The following SPAG9 variants were observed in gnomAD, a reference collection of about 807,000 sequenced individuals.
SPAG9 encodes sperm associated antigen 9, also known as C-Jun-amino-terminal kinase-interacting protein 4.
In SPAG9, 35 loss-of-function variants were observed where a neutral mutation model predicts 166.5. That is an observed-to-expected ratio of 0.21 (90% CI 0.16 to 0.28). The LOEUF is 0.28. Among genes scored for constraint, SPAG9 ranks in the 10% least tolerant of loss-of-function variants. The pLI, the probability that SPAG9 is intolerant of heterozygous loss-of-function variation, is 1.00. For missense variants in SPAG9, 1,235 were observed against 1,603.3 expected, an observed-to-expected ratio of 0.77 and a Z score of 3.92; for synonymous variants, 534 against 565.5, an observed-to-expected ratio of 0.94 and a Z score of 0.79.
rs1399754587 is a variant in SPAG9, at chr17:50,963,510, A to C, written c.*2762T>G. The C allele has an allele frequency of 6.6e-6, 1 of 152,254 alleles. No individual in the cohort carries two copies. Among genetic ancestry groups the C allele is most frequent in the Non-Finnish European group, 1.5e-5 (1 of 68,042 alleles). 9.4% of individuals were successfully genotyped at this position (152,254 alleles called of 1,614,324 possible). On this transcript the variant is annotated 3_prime_UTR_variant, in exon 30 of 30. Transcript: ENST00000262013. ...GTCCTCTCTCTGGTCCCTGCAGTTA[A>C]TTAACAGGGCCACAGATAATCTGAC... is the stretch of plus-strand genomic sequence containing the variant.
chr17:51,033,713 C>T (rs1382066349), intron 5 of SPAG9, among the ~76,000 whole-genome samples: 1 of 152,114 alleles, frequency 6.6e-6, no homozygotes, highest in Non-Finnish European at 1.5e-5. Context: ...AATATTTGGA[C>T]CTCTGAGCAC....
chr17:51,006,966 A>G (rs1400554601), intron 10 of SPAG9, among the ~76,000 whole-genome samples: 1 of 152,208 alleles, frequency 6.6e-6, no homozygotes, highest in Non-Finnish European at 1.5e-5. Context: ...GGGAGCAAAA[A>G]AAGTGTAAAA....
intron 13 of SPAG9, among the ~76,000 whole-genome samples, chr17:51,001,395 A>C (rs1037975669): frequency 2.6e-5 from 4 of 152,232 alleles, no homozygotes; most frequent in Non-Finnish European, 5.9e-5. Context: ...CCTGTGTTGC[A>C]TATGAAATTG....
chr17:51,118,713 T>C (rs946151463), intron 1 of SPAG9, among the ~76,000 whole-genome samples: 3 of 152,204 alleles, frequency 2.0e-5, no homozygotes, highest in African/African-American at 7.2e-5. Context: ...TTTTCATCCC[T>C]TCCTTCCCTA....
intron 5 of SPAG9, among the ~76,000 whole-genome samples, chr17:51,037,718 GTGTA>G (rs200091479): frequency 1.7e-3 from 228 of 130,920 alleles, no homozygotes; most frequent in African/African-American, 5.8e-3. Flanking sequence ...GTGTGTGTGT[GTGTA>G]TAAACATTTT....
chr17:51,011,000 G>A (rs145873155), intron 9 of SPAG9, among the ~76,000 whole-genome samples: 11 of 152,090 alleles, frequency 7.2e-5, no homozygotes, highest in Admixed American at 2.0e-4. Flanking sequence ...CAAAGGAAGC[G>A]GATCCTGTTA....
At chr17:51,041,704 T>G in intron 4 of SPAG9, 53 bp from the exon 5 acceptor site, 4 of 1,555,322 alleles carry the variant, frequency 2.6e-6, no homozygotes, top group Non-Finnish European at 3.5e-6. Context: ...GACTTTTTAT[T>G]TGCCATGACT....
rs2047162475 is a variant in SPAG9 at position 51,050,949 on chromosome 17, G to A, written c.496-3480C>T. Reference sequence around the variant, plus strand: ...ACTGAAGAGAGAGAGAAAAAGAGAGGAAGGAAGAAAGGAAAGAACGAAGGG... The same window carrying A: ...ACTGAAGAGAGAGAGAAAAAGAGAGAAAGGAAGAAAGGAAAGAACGAAGGG... On this transcript the variant is annotated intron_variant, in intron 3 of 29. Coordinates refer to ENST00000262013, the MANE Select transcript of SPAG9 (RefSeq NM_001130528.3). Among the ~76,000 whole-genome samples, 2 of 150,046 alleles carry A rather than the reference G, an allele frequency of 1.3e-5. 1 individual carries two copies. Among genetic ancestry groups the A allele is most frequent in the South Asian group, 4.2e-4 (2 of 4,738 alleles).
At chr17:51,068,924 T>A (rs1051436297) in intron 2 of SPAG9, among the ~76,000 whole-genome samples, 69 of 152,226 alleles carry the variant, frequency 4.5e-4, no homozygotes, top group African/African-American at 1.6e-3. Flanking sequence ...AGACCACAAG[T>A]ATTACCTAAT....
At chr17:51,028,314 T>C (rs1419757869) in intron 6 of SPAG9, among the ~76,000 whole-genome samples, 6 of 152,224 alleles carry the variant, frequency 3.9e-5, no homozygotes, top group African/African-American at 1.4e-4. Context: ...TTATAAAGTC[T>C]ACAGTAATGT....
chr17:51,091,492 T>TTTG (rs201654704), intron 1 of SPAG9, among the ~76,000 whole-genome samples: 2 of 151,696 alleles, frequency 1.3e-5, no homozygotes, highest in East Asian at 1.9e-4. Flanking sequence ...TTTCTGTTTT[T>TTTG]TTGTTGTTGT....
At chr17:50,995,578 C>T (rs745595623) in intron 16 of SPAG9, 45 bp from the exon 17 acceptor site, 6 of 1,190,476 alleles carry the variant, frequency 5.0e-6, no homozygotes, top group Non-Finnish European at 7.5e-6. Flanking sequence ...ATTAGTAAGC[C>T]TCATCAAAAG....
chr17:51,087,882 T>A (rs1047680108), intron 1 of SPAG9, among the ~76,000 whole-genome samples: 7 of 152,158 alleles, frequency 4.6e-5, no homozygotes, highest in African/African-American at 1.7e-4. Context: ...ACTACAGGCA[T>A]GTGCCACTAT....
intron 4 of SPAG9, 130 bp from the exon 5 acceptor site, chr17:51,041,781 C>A (rs1298819530): frequency 3.7e-6 from 3 of 803,030 alleles, no homozygotes; most frequent in Admixed American, 2.4e-5. Context: ...GTCTGCCCAT[C>A]TGAATAAAAC....
chr17:51,060,838 G>GTTTT (rs371247482), intron 2 of SPAG9, among the ~76,000 whole-genome samples: 2 of 146,750 alleles, frequency 1.4e-5, no homozygotes, highest in African/African-American at 5.2e-5. Flanking sequence ...AGAGAAAAGG[G>GTTTT]TTTTTTTTGT....
intron 5 of SPAG9, chr17:51,040,319 T>C (rs1351040650): frequency 6.6e-6 from 1 of 151,530 alleles, no homozygotes; most frequent in Admixed American, 6.6e-5. Context: ...CTGAGCACTA[T>C]TAGCTTCTAA....
At chr17:50,994,063 T>C (rs1975854059) in intron 18 of SPAG9, 128 bp from the exon 19 acceptor site, 1 of 896,212 alleles carries the variant, frequency 1.1e-6, no homozygotes. Flanking sequence ...AGGGTAAAAA[T>C]ACAACCACTG....
chr17:51,032,891 G>A (rs527829118), intron 5 of SPAG9, among the ~76,000 whole-genome samples: 4 of 151,872 alleles, frequency 2.6e-5, no homozygotes, highest in Non-Finnish European at 1.5e-5. Context: ...CCGAGATCAC[G>A]CCATTGCACT....
intron 1 of SPAG9, among the ~76,000 whole-genome samples, chr17:51,096,022 G>GATAT (rs200258056): frequency 4.3e-4 from 41 of 95,250 alleles, no homozygotes; most frequent in African/African-American, 7.9e-4. Context: ...TATATATAGT[G>GATAT]ATATATATAT....
Sources: allele counts gnomAD v4.1 joint callset (sites outside exome capture counted in the v4.1 genomes callset), GRCh38; gene constraint gnomAD v4.1.1; transcripts MANE v1.5; gene names NCBI Gene and HGNC (gene_info 2026-07-23, HGNC 2026-07-21).